Variants in CNTNAP2 observed in about 807,000 individuals in gnomAD.
CNTNAP2 encodes the protein contactin-associated protein-like 2.
CNTNAP2 carries 98 observed loss-of-function variants against 155.2 expected under a neutral mutation model. The observed-to-expected ratio is 0.63, with a 90% CI of 0.54 to 0.75. The LOEUF is 0.75. CNTNAP2 is among the 30% of genes least tolerant of loss of function. The probability of loss-of-function intolerance (pLI) is 0.00; values close to 1 mark genes in which losing one functional copy is unlikely to be tolerated. For synonymous variants in CNTNAP2, 651 were observed against 631.2 expected (o/e 1.03, Z -0.47); for missense variants, 1,727 against 1,688.1 (o/e 1.02, Z -0.40).
At chr7:146,221,699 T>C (rs1263357067) in intron 1 of CNTNAP2, among the ~76,000 whole-genome samples, 1 of 152,198 alleles carries the variant, frequency 6.6e-6, no homozygotes, top group Non-Finnish European at 1.5e-5. Context: ...CTAAAAAACC[T>C]AATAGAGAAT....
At chr7:147,125,718 G>T (rs1246565984) in intron 6 of CNTNAP2, among the ~76,000 whole-genome samples, 1 of 152,168 alleles carries the variant, frequency 6.6e-6, no homozygotes, top group African/African-American at 2.4e-5. Context: ...GCCCTTTAAT[G>T]GTTGTGTGAC....
chr7:147,908,194 C>T (rs186927695), intron 14 of CNTNAP2, among the ~76,000 whole-genome samples: 93 of 152,266 alleles, frequency 6.1e-4, no homozygotes, highest in African/African-American at 2.0e-3. Context: ...AATTCCACAA[C>T]GCCACATGCA....
intron 8 of CNTNAP2, among the ~76,000 whole-genome samples, chr7:147,296,662 C>A: frequency 6.6e-6 from 1 of 152,036 alleles, no homozygotes; most frequent in East Asian, 1.9e-4. Context: ...TACAAAGTAA[C>A]CTATGAGTAC....
At chr7:147,745,763 G>C (rs758514575) in intron 13 of CNTNAP2, among the ~76,000 whole-genome samples, 1 of 152,180 alleles carries the variant, frequency 6.6e-6, no homozygotes, top group Non-Finnish European at 1.5e-5. Flanking sequence ...CATCTGTAAC[G>C]TAAAGGAGGT....
chr7:146,696,121 C>A (rs896624579), intron 1 of CNTNAP2, among the ~76,000 whole-genome samples: 2 of 152,106 alleles, frequency 1.3e-5, no homozygotes, highest in Non-Finnish European at 2.9e-5. Context: ...GACTTAAATT[C>A]TTCCTTGGGA....
intron 13 of CNTNAP2, among the ~76,000 whole-genome samples, chr7:147,639,541 T>TGTGCATATATGTTTCTA (rs1795240825): frequency 2.0e-5 from 3 of 152,340 alleles, no homozygotes; most frequent in Non-Finnish European, 4.4e-5. Flanking sequence ...TTAAATTGTA[T>TGTGCATATATGTTTCTA]GTGCATATAT....
intron 14 of CNTNAP2, among the ~76,000 whole-genome samples, chr7:147,915,984 T>C (rs1051596362): frequency 6.5e-4 from 99 of 152,294 alleles, no homozygotes; most frequent in African/African-American, 2.2e-3. Flanking sequence ...CTCAACTCTT[T>C]TAGGAGCTTA....
At chr7:147,209,416 A>G (rs1803091337) in intron 8 of CNTNAP2, among the ~76,000 whole-genome samples, 1 of 151,938 alleles carries the variant, frequency 6.6e-6, no homozygotes. Flanking sequence ...CTATATAGAA[A>G]TGCTACTGAT....
chr7:147,327,014 G>A (rs866088274), intron 9 of CNTNAP2, among the ~76,000 whole-genome samples: 1 of 152,266 alleles, frequency 6.6e-6, no homozygotes, highest in East Asian at 1.9e-4. Flanking sequence ...ACAAACAAAT[G>A]AGTACATCTT....
At chr7:146,559,545 G>T (rs914972415) in intron 1 of CNTNAP2, among the ~76,000 whole-genome samples, 1 of 151,886 alleles carries the variant, frequency 6.6e-6, no homozygotes, top group Non-Finnish European at 1.5e-5. Context: ...CTCCAGCCTG[G>T]CAACAGAGCA....
At chr7:146,141,948 G>A (rs1441216783) in intron 1 of CNTNAP2, among the ~76,000 whole-genome samples, 1 of 152,058 alleles carries the variant, frequency 6.6e-6, no homozygotes, top group Non-Finnish European at 1.5e-5. Context: ...TCTCAAAGAG[G>A]GCTCAGTATT....
intron 1 of CNTNAP2, among the ~76,000 whole-genome samples, chr7:146,376,354 G>C (rs1795303951): frequency 6.6e-6 from 1 of 151,666 alleles, no homozygotes; most frequent in African/African-American, 2.4e-5. Context: ...TTTCTTCACT[G>C]CTCATCTCTC....
chr7:147,663,155 C>T lies in CNTNAP2; in HGVS notation c.2098+23849C>T, dbSNP rs202141759. On this transcript the variant is annotated intron_variant, in intron 13 of 23. Coordinates refer to ENST00000361727, the MANE Select transcript of CNTNAP2 (RefSeq NM_014141.6). ...CTGGGATTACAGGTGCCCACAACCA[C>T]GCCCGGCTAATTTTTGTAATTTTCG... Among the ~76,000 whole-genome samples, 9 of 146,386 alleles carry T rather than the reference C, an allele frequency of 6.1e-5. No homozygotes were observed. The East Asian group carries it at 1.2e-3, about 20-fold the overall frequency.
intron 8 of CNTNAP2, among the ~76,000 whole-genome samples, chr7:147,270,063 T>TA (rs201732972): frequency 2.0e-5 from 3 of 151,340 alleles, no homozygotes; most frequent in Non-Finnish European, 3.0e-5. Flanking sequence ...CCTTATCACT[T>TA]AAAAAAAAAT....
At chr7:147,382,896 T>C (rs1563183425) in intron 9 of CNTNAP2, among the ~76,000 whole-genome samples, 4 of 151,818 alleles carry the variant, frequency 2.6e-5, no homozygotes, top group Non-Finnish European at 4.4e-5. Flanking sequence ...TGGCACCTTC[T>C]CAAACTTTTT....
intron 8 of CNTNAP2, among the ~76,000 whole-genome samples, chr7:147,251,728 G>A (rs1382555723): frequency 6.6e-6 from 1 of 152,168 alleles, no homozygotes; most frequent in Admixed American, 6.5e-5. Context: ...GAAAGGGAGA[G>A]GCAAGCAACT....
intron 4 of CNTNAP2, among the ~76,000 whole-genome samples, chr7:147,106,513 A>G (rs1354589422): frequency 6.6e-6 from 1 of 152,124 alleles, no homozygotes; most frequent in Non-Finnish European, 1.5e-5. Flanking sequence ...TCTGTTGATT[A>G]AGAAAGTCTT....
chr7:146,161,706 C>A (rs1385420850), intron 1 of CNTNAP2, among the ~76,000 whole-genome samples: 1 of 152,176 alleles, frequency 6.6e-6, no homozygotes, highest in East Asian at 1.9e-4. Context: ...ATTGCCAAGA[C>A]AATCCTAAGC....
At chr7:147,644,118 G>A (rs975599066) in intron 13 of CNTNAP2, among the ~76,000 whole-genome samples, 23 of 152,172 alleles carry the variant, frequency 1.5e-4, no homozygotes, top group African/African-American at 4.3e-4. Flanking sequence ...TTTATTTTAC[G>A]TAGAAAAGCC....
Sources: allele counts gnomAD v4.1 joint callset (sites outside exome capture counted in the v4.1 genomes callset), GRCh38; gene constraint gnomAD v4.1.1; transcripts MANE v1.5; gene names NCBI Gene and HGNC (gene_info 2026-07-23, HGNC 2026-07-21).